The following ADGRB1 variants were observed in gnomAD, a reference collection of about 807,000 sequenced individuals.
ADGRB1 encodes adhesion G protein-coupled receptor B1, also known as brain-specific angiogenesis inhibitor 1.
A neutral mutation model predicts 175.7 loss-of-function variants in ADGRB1; 36 were observed. The ratio of observed to expected loss-of-function variants is 0.20; its 90% confidence interval spans 0.16 to 0.27. The LOEUF (loss-of-function observed/expected upper bound fraction) is 0.27, where lower values mean the gene tolerates loss of function less well. Ranked by LOEUF, ADGRB1 falls within the 10% of genes least tolerant of loss-of-function variation. The pLI is 1.00. For missense variants in ADGRB1, 1,731 were observed against 2,255.3 expected, an observed-to-expected ratio of 0.77 and a Z score of 4.71; for synonymous variants, 1,054 against 979.4, an observed-to-expected ratio of 1.08 and a Z score of -1.42.
intron 17 of ADGRB1, among the ~76,000 whole-genome samples, chr8:142,505,888 A>G (rs1173844438): frequency 7.9e-5 from 12 of 152,118 alleles, no homozygotes. Flanking sequence ...TGGTGGGATT[A>G]GCTGGTGGGC....
At chr8:142,502,420 ATGGTGGTGGTGGTGG>A (rs1563719070) in intron 17 of ADGRB1, among the ~76,000 whole-genome samples, 23 of 2,130 alleles carry the variant, frequency 0.011, 2 homozygotes, top group African/African-American at 0.041. Context: ...GGTGGTGGTG[ATGGTGGTGGTGGTGG>A]TAGTGGTGGT....
At chr8:142,532,002 G>A (rs948331184) in intron 24 of ADGRB1, among the ~76,000 whole-genome samples, 1 of 152,132 alleles carries the variant, frequency 6.6e-6, no homozygotes, top group Admixed American at 6.5e-5. Flanking sequence ...TGGTTTTGGA[G>A]GCCCTTGTCC....
Position 142,510,557 on chromosome 8 carries a change from C to G in ADGRB1, c.2676-375C>G, listed in dbSNP as rs1351375631. On this transcript the variant is annotated intron_variant, in intron 17 of 30. Coordinates refer to ENST00000517894, the MANE Select transcript of ADGRB1 (RefSeq NM_001702.3). This position sits in a 1 kb window ranked among gnomAD's most constrained non-coding sequence, Gnocchi z 6.3. ...CCCCTCCGGGCCTCCCCCTCCTTCCCGCGCGGGCCGGGGGCGCGGGCCCCG... is the reference window on the plus strand; with the variant it reads ...CCCCTCCGGGCCTCCCCCTCCTTCCGGCGCGGGCCGGGGGCGCGGGCCCCG... Among the ~76,000 whole-genome samples the G allele has an allele frequency of 6.7e-6, 1 of 148,924 alleles. No homozygotes were observed. The highest frequency in any genetic ancestry group is 1.5e-5 in the Non-Finnish European group (1 of 66,946).
chr8:142,528,567 G>T (rs979689025), intron 24 of ADGRB1, among the ~76,000 whole-genome samples: 1 of 151,832 alleles, frequency 6.6e-6, no homozygotes, highest in African/African-American at 2.4e-5. Context: ...GCACCCCCTC[G>T]GGCGCGCCCT....
At chr8:142,541,337 G>C (rs1845259986) in intron 27 of ADGRB1, among the ~76,000 whole-genome samples, 1 of 152,128 alleles carries the variant, frequency 6.6e-6, no homozygotes, top group African/African-American at 2.4e-5. Flanking sequence ...ACTGACCAGA[G>C]ACAGAATCAG....
chr8:142,524,361 T>A, intron 23 of ADGRB1, 57 bp downstream of exon 23: 5 of 1,503,730 alleles, frequency 3.3e-6, no homozygotes, highest in Non-Finnish European at 4.5e-6. Flanking sequence ...CCCACCTGCC[T>A]CCTGGGCCTC....
In ADGRB1 at chr8:142,477,154, C is replaced by T; in HGVS notation, c.1098C>T (p.Cys366=). ...AGGAGTGGTCCCCGTGGAGCGTGTG[C>T]TCCAGCACCTGCGGCGAGGGCTGGC... ...AAEEWSPWSV[C]SSTCGEGWQT... Residue 366 remains cysteine, a synonymous_variant, in exon 5 of 31, where the codon TGC becomes TGT. Transcript: ENST00000517894. 6.3e-7 allele frequency: 1 copy of T among 1,593,066 alleles called. No individual in the cohort carries two copies. Among genetic ancestry groups the T allele is most frequent in the Non-Finnish European group, 8.5e-7 (1 of 1,177,042 alleles).
intron 1 of ADGRB1, among the ~76,000 whole-genome samples, chr8:142,452,612 C>T (rs1351912089): frequency 3.9e-5 from 6 of 152,216 alleles, no homozygotes; most frequent in East Asian, 1.9e-4. Context: ...CCAACGTGCC[C>T]GGTCCGCAGC....
At chr8:142,516,490 TGTGTGCGGGCCCCAGGTGCGTGC>T (rs1467761598) in intron 18 of ADGRB1, among the ~76,000 whole-genome samples, 38 of 132,184 alleles carry the variant, frequency 2.9e-4, no homozygotes, top group Non-Finnish European at 5.2e-4. Context: ...TGCGCGCGCG[TGTGTGCGGGCCCCAGGTGCGTGC>T]GTGTGCGGGT....
At position 142,464,971 on chromosome 8, in the gene ADGRB1, A is replaced by G. The variant is rs1163269066; in HGVS notation, c.773A>G (p.His258Arg). ...LTSLTQDRGGHGATGGWKLWS... is the reference protein window; with the variant it reads ...LTSLTQDRGGRGATGGWKLWS... ...AGCCTGACCCAGGACCGGGGCGGGC[A>G]CGGCGCCACAGGTGAGTGACTGGCG... Residue 258 changes from histidine to arginine, a missense_variant, in exon 2 of 31, where the codon CAC (histidine) becomes CGC (arginine). This residue lies in a region of ADGRB1 where 383 missense variants were observed against 383.1 expected (regional missense o/e 1.00). Transcript: ENST00000517894. 1 of 1,503,566 alleles carries G rather than the reference A, an allele frequency of 6.7e-7. No individual in the cohort carries two copies. The highest frequency in any genetic ancestry group is 8.8e-7 in the Non-Finnish European group (1 of 1,131,534). The allele number at this position is 1,503,566 out of a possible 1,614,324, so 93.1% of individuals were successfully genotyped here.
Position 142,522,043 on chromosome 8 carries a change from C to G in ADGRB1, c.3103C>G (p.Gln1035Glu). The G allele has an allele frequency of 6.2e-7, 1 of 1,613,028 alleles. No individual in the cohort carries two copies. Among genetic ancestry groups the G allele is most frequent in the Non-Finnish European group, 8.5e-7 (1 of 1,179,636 alleles). The change falls in exon 21 of 31, where the codon CAG (glutamine) becomes GAG (glutamate). Residue 1035 changes from glutamine to glutamate, a missense_variant. Gln to Glu is a conservative substitution (Grantham distance 29). This residue lies in a region of ADGRB1 where 301 missense variants were observed against 488.4 expected (regional missense o/e 0.62). Transcript: ENST00000517894. Reference protein sequence around the residue: ...SFCWVLTEAWQSYMAVTGHLR... With the variant: ...SFCWVLTEAWESYMAVTGHLR... ...CTGCTGGGTGCTCACCGAGGCCTGG[C>G]AGTCCTACATGGCGGTGACGGGCCA...
At chr8:142,491,592 A>G (rs1260488356) in intron 17 of ADGRB1, among the ~76,000 whole-genome samples, 1 of 152,174 alleles carries the variant, frequency 6.6e-6, no homozygotes, top group Non-Finnish European at 1.5e-5. Context: ...GGGTCCCAAC[A>G]TGCGGCTCCG....
rs769108086 is a variant in ADGRB1, at chr8:142,537,046, A to G, written c.3630A>G (p.Ser1210=). ...VDRQEEGNGD[S]GGSFQNGHAQ... is the part of the protein sequence containing the mutation. ...GGCAGGAGGAGGGCAACGGGGACTC[A>G]GGGGGCTCCTTCCAGAACGGCCACG... The change falls in exon 26 of 31, where the codon TCA becomes TCG. Residue 1210 remains serine, a synonymous_variant. Transcript: ENST00000517894. The surrounding 1 kb of genome is among the most constrained non-coding windows in gnomAD (Gnocchi z 4.6). 1.0e-5 allele frequency: 16 copies of G among 1,584,366 alleles called. No individual in the cohort carries two copies. The highest frequency in any genetic ancestry group is 7.0e-5 in the Admixed American group (4 of 57,316).
chr8:142,488,805 A>T (rs1034920234), intron 14 of ADGRB1, among the ~76,000 whole-genome samples: 1 of 152,160 alleles, frequency 6.6e-6, no homozygotes, highest in Non-Finnish European at 1.5e-5. Flanking sequence ...AGCTCTCAGG[A>T]TGCCCCAGGG....
At chr8:142,494,791 C>T (rs1414913515) in intron 17 of ADGRB1, among the ~76,000 whole-genome samples, 2 of 151,866 alleles carry the variant, frequency 1.3e-5, no homozygotes, top group East Asian at 1.9e-4. Flanking sequence ...CTCAGGTGCT[C>T]CTGCTCCCCC....
intron 18 of ADGRB1, among the ~76,000 whole-genome samples, chr8:142,517,690 G>A (rs1297340459): frequency 6.6e-6 from 1 of 152,134 alleles, no homozygotes; most frequent in Non-Finnish European, 1.5e-5. Flanking sequence ...ATGGCATCTT[G>A]GATGGGGGTG....
At chr8:142,454,179 T>C (rs931816021) in intron 1 of ADGRB1, among the ~76,000 whole-genome samples, 1 of 152,260 alleles carries the variant, frequency 6.6e-6, no homozygotes, top group East Asian at 1.9e-4. Flanking sequence ...GCACAGCCTG[T>C]TGAGTGCCGC....
rs1845366454 is a variant in ADGRB1, at chr8:142,542,896, G to A, written c.4413+249G>A. Among the ~76,000 whole-genome samples, 1 of 152,188 alleles carries A rather than the reference G, an allele frequency of 6.6e-6. No homozygotes were observed. Among genetic ancestry groups the A allele is most frequent in the African/African-American group, 2.4e-5 (1 of 41,446 alleles). The stretch of plus-strand genomic sequence containing the variant: ...CAGGGACCCACAGTCTGGACCCACG[G>A]AGCAGGACCTGCACCTCGCACAGTC... On this transcript the variant is annotated intron_variant, in intron 28 of 30. Transcript: ENST00000517894. The surrounding 1 kb of genome is among the most constrained non-coding windows in gnomAD (Gnocchi z 6.3).
Position 142,489,012 on chromosome 8 carries a change from G to C in ADGRB1, c.2453-23G>C, listed in dbSNP as rs766150784. ...CTGGCTGTGGGGATGGCGGGCCGGG[G>C]TTGACAGTGCACTTTCTTCCAGAGG... On this transcript the variant is annotated intron_variant, in intron 14 of 30. Coordinates refer to ENST00000517894, the MANE Select transcript of ADGRB1 (RefSeq NM_001702.3). The C allele has an allele frequency of 1.1e-5, 18 of 1,608,878 alleles. No individual in the cohort carries two copies. In the Admixed American group the frequency reaches 2.2e-4, roughly 20 times the overall value.
Sources: allele counts gnomAD v4.1 joint callset (sites outside exome capture counted in the v4.1 genomes callset), GRCh38; gene constraint gnomAD v4.1.1; regional missense constraint gnomAD v4.1.1; non-coding constraint Gnocchi (gnomAD v3.1); transcripts MANE v1.5; gene names NCBI Gene and HGNC (gene_info 2026-07-23, HGNC 2026-07-21).